PLA2R1: variants seen among roughly 807,000 people sequenced by gnomAD.
PLA2R1 encodes the protein secretory phospholipase A2 receptor.
In PLA2R1, 158 loss-of-function variants were observed where a neutral mutation model predicts 195.9. That is an observed-to-expected ratio of 0.81 (90% CI 0.71 to 0.92). The LOEUF (loss-of-function observed/expected upper bound fraction) is 0.92, where lower values mean the gene tolerates loss of function less well. Among genes scored for constraint, PLA2R1 ranks in the 40% least tolerant of loss-of-function variants. The probability of loss-of-function intolerance (pLI) is 0.00; values close to 1 mark genes in which losing one functional copy is unlikely to be tolerated. For synonymous variants in PLA2R1, 586 were observed against 598.2 expected, an observed-to-expected ratio of 0.98 and a Z score of 0.30; for missense variants, 1,626 against 1,764.6, an observed-to-expected ratio of 0.92 and a Z score of 1.41.
intron 2 of PLA2R1, among the ~76,000 whole-genome samples, chr2:160,043,273 C>A (rs527618290): frequency 6.6e-6 from 1 of 152,066 alleles, no homozygotes; most frequent in East Asian, 1.9e-4. Flanking sequence ...AAGGGGCAAA[C>A]AGCTGACATA....
At chr2:159,973,343 T>C (rs1439843329) in intron 17 of PLA2R1, among the ~76,000 whole-genome samples, 3 of 152,050 alleles carry the variant, frequency 2.0e-5, no homozygotes, top group East Asian at 3.9e-4. Context: ...TCTAATTTGA[T>C]ATCCTTTCCC....
At chr2:159,972,507 C>T (rs900726210) in intron 17 of PLA2R1, among the ~76,000 whole-genome samples, 2 of 152,204 alleles carry the variant, frequency 1.3e-5, no homozygotes, top group East Asian at 1.9e-4. Flanking sequence ...CCCACAGTGA[C>T]AGTCACTACA....
the PLA2R1 span, among the ~76,000 whole-genome samples, chr2:159,926,423 A>G: frequency 1.3e-5 from 2 of 152,176 alleles, no homozygotes; most frequent in Admixed American, 6.5e-5. Context: ...TAGTGTCCAC[A>G]CTTATTTTAG....
intron 11 of PLA2R1, among the ~76,000 whole-genome samples, chr2:160,004,577 C>T (rs541784703): frequency 6.6e-6 from 1 of 152,256 alleles, no homozygotes; most frequent in East Asian, 1.9e-4. Flanking sequence ...GAGCTCCGGG[C>T]CTTCAGGGAG....
At chr2:159,970,245 ACTT>A (rs1225430736) in intron 17 of PLA2R1, 33 bp from the exon 18 acceptor site, 1 of 1,514,896 alleles carries the variant, frequency 6.6e-7, no homozygotes, top group Non-Finnish European at 9.1e-7. Flanking sequence ...CATTTATTCT[ACTT>A]GTTTTCCTTT....
At chr2:160,012,119 C>T (rs749918612) in intron 10 of PLA2R1, among the ~76,000 whole-genome samples, 6 of 152,254 alleles carry the variant, frequency 3.9e-5, no homozygotes, top group East Asian at 3.9e-4. Context: ...ACAGGAATTC[C>T]TCTACAAATT....
At chr2:159,951,244 C>CT (rs1163090330) in intron 24 of PLA2R1, 96 bp downstream of exon 24, 4 of 728,132 alleles carry the variant, frequency 5.5e-6, no homozygotes, top group South Asian at 1.7e-5. Flanking sequence ...TTTTTGGGAT[C>CT]TTTTTTTCAG....
At chr2:159,979,729 G>A in intron 14 of PLA2R1, 101 bp downstream of exon 14, 2 of 632,826 alleles carry the variant, frequency 3.2e-6, no homozygotes, top group Middle Eastern at 2.5e-4. Flanking sequence ...TGTCATGGGA[G>A]CTCTGGCCAT....
chr2:160,026,989 C>T (rs1558958715), intron 6 of PLA2R1, among the ~76,000 whole-genome samples: 2 of 152,074 alleles, frequency 1.3e-5, no homozygotes, highest in Admixed American at 6.6e-5. Context: ...AAAAATTAGC[C>T]GGGCGTGGTG....
At chr2:160,029,074 A>ATT in intron 4 of PLA2R1, 111 bp from the exon 5 acceptor site, 1 of 679,470 alleles carries the variant, frequency 1.5e-6, no homozygotes, top group Non-Finnish European at 2.7e-6. Flanking sequence ...AATGACGGGA[A>ATT]AGGTGCACAG....
Position 160,005,752 on chromosome 2 carries a change from T to A in PLA2R1, c.1734A>T (p.Ile578=), listed in dbSNP as rs751211304. Reference sequence around the variant, plus strand: ...CCGTATCATTTTGGTCCTGAAGAGCTATCCAAAAATAACTGTCCTTCATTT... The same window carrying A: ...CCGTATCATTTTGGTCCTGAAGAGCAATCCAAAAATAACTGTCCTTCATTT... ...VVKMKDSYFW[I]ALQDQNDTGE... Residue 578 remains isoleucine, a synonymous_variant, in exon 11 of 30, where the codon ATA becomes ATT. Coordinates refer to ENST00000283243, the MANE Select transcript of PLA2R1 (RefSeq NM_007366.5). 26 of 1,611,832 alleles carry A rather than the reference T, an allele frequency of 1.6e-5. No homozygotes were observed. The highest frequency in any genetic ancestry group is 2.0e-5 in the Non-Finnish European group (24 of 1,177,966).
chr2:159,991,549 G>A (rs1690797570), intron 11 of PLA2R1, among the ~76,000 whole-genome samples: 1 of 150,288 alleles, frequency 6.7e-6, no homozygotes, highest in Non-Finnish European at 1.5e-5. Context: ...TGCCATGCTG[G>A]TGCGCTGCAC....
chr2:160,016,960 C>A (rs972559537), intron 8 of PLA2R1, among the ~76,000 whole-genome samples: 4 of 152,178 alleles, frequency 2.6e-5, no homozygotes, highest in African/African-American at 9.7e-5. Flanking sequence ...CTATTAACAA[C>A]TGGTGCTTCT....
intron 12 of PLA2R1, among the ~76,000 whole-genome samples, chr2:159,986,077 G>T (rs1201169825): frequency 6.6e-6 from 1 of 152,062 alleles, no homozygotes; most frequent in Admixed American, 6.5e-5. Flanking sequence ...GTGCTTTCCT[G>T]AGCCTTGGGG....
intron 1 of PLA2R1, among the ~76,000 whole-genome samples, chr2:160,048,934 G>A (rs529246274): frequency 1.9e-4 from 28 of 145,790 alleles, no homozygotes; most frequent in Non-Finnish European, 3.1e-4. Context: ...TCCGCCTCCC[G>A]GGTTCACGCC....
At position 159,954,236 on chromosome 2, in the gene PLA2R1, A is replaced by T. The variant is rs2105155222; in HGVS notation, c.3301+963T>A. Among the ~76,000 whole-genome samples, 3 of 152,214 alleles carry T rather than the reference A, an allele frequency of 2.0e-5. No individual in the cohort carries two copies. In the South Asian group the frequency reaches 6.2e-4, roughly 32 times the overall value. ...GAGGATTTTGTGGCATACCGCGCATACACTCAAGGCACAGGGTCAGGTACT... is the reference window on the plus strand; with the variant it reads ...GAGGATTTTGTGGCATACCGCGCATTCACTCAAGGCACAGGGTCAGGTACT... On this transcript the variant is annotated intron_variant, in intron 23 of 29. Transcript: ENST00000283243.
At chr2:159,948,381 C>T (rs190914394) in intron 25 of PLA2R1, among the ~76,000 whole-genome samples, 161 of 151,960 alleles carry the variant, frequency 1.1e-3, no homozygotes, top group African/African-American at 3.8e-3. Flanking sequence ...ACTATAGGCA[C>T]GTACCACCAA....
At chr2:159,925,572 A>AG in the PLA2R1 span, among the ~76,000 whole-genome samples, 1 of 151,724 alleles carries the variant, frequency 6.6e-6, no homozygotes, top group Non-Finnish European at 1.5e-5. Context: ...AAAAAAAAAA[A>AG]AAAAGTTGTG....
At chr2:160,039,167 A>C (rs1235746156) in intron 3 of PLA2R1, among the ~76,000 whole-genome samples, 1 of 152,134 alleles carries the variant, frequency 6.6e-6, no homozygotes, top group Non-Finnish European at 1.5e-5. Context: ...TGCCCAGCCT[A>C]AATCTGCTTT....
Sources: gnomAD v4.1 joint callset for allele counts (sites outside exome capture counted in the v4.1 genomes callset) on GRCh38, gnomAD v4.1.1 for gene constraint, MANE v1.5 for transcripts, NCBI Gene and HGNC (gene_info 2026-07-23, HGNC 2026-07-21) for gene names.